The following ZCCHC9 variants were observed in gnomAD, a reference collection of about 807,000 sequenced individuals.
ZCCHC9 encodes zinc finger CCHC domain-containing protein 9.
A neutral mutation model predicts 30.8 loss-of-function variants in ZCCHC9; 18 were observed. The ratio of observed to expected loss-of-function variants is 0.58; its 90% confidence interval spans 0.40 to 0.87. The LOEUF is 0.87. Among genes scored for constraint, ZCCHC9 ranks in the 40% least tolerant of loss-of-function variants. The pLI, the probability that ZCCHC9 is intolerant of heterozygous loss-of-function variation, is 0.00. For synonymous variants in ZCCHC9, 94 were observed against 106.7 expected (o/e 0.88, Z 0.73); for missense variants, 279 against 331.2 (o/e 0.84, Z 1.22).
At chr5:81,308,406 T>G (rs1758151823) in intron 2 of ZCCHC9, 155 bp from the exon 3 acceptor site, 1 of 897,788 alleles carries the variant, frequency 1.1e-6, no homozygotes, top group Non-Finnish European at 1.6e-6. Flanking sequence ...TCTCGTTGTT[T>G]AGGAACGTAT....
Position 81,305,095 on chromosome 5 carries a change from G to C in ZCCHC9, c.338G>C (p.Arg113Pro). The change falls in exon 2 of 6, where the codon CGG becomes CCG. Residue 113 changes from arginine (R) to proline (P), a missense_variant. Transcript: ENST00000407610. ...GTTGCTTTAAAGAAAGACAGTCGACGGGAAGGAAGAAGATTAAAAAGACAA... is the reference window on the plus strand; with the variant it reads ...GTTGCTTTAAAGAAAGACAGTCGACCGGAAGGAAGAAGATTAAAAAGACAA... ...IAVALKKDSRREGRRLKRQAA... is the reference protein window; with the variant it reads ...IAVALKKDSRPEGRRLKRQAA... 2 of 1,605,844 alleles carry C rather than the reference G, an allele frequency of 1.2e-6. No individual in the cohort carries two copies. Among genetic ancestry groups the C allele is most frequent in the Non-Finnish European group, 1.7e-6 (2 of 1,178,046 alleles).
chr5:81,307,541 T>G (rs917694604), intron 2 of ZCCHC9, among the ~76,000 whole-genome samples: 2 of 151,638 alleles, frequency 1.3e-5, no homozygotes. Context: ...TAATCCCAGC[T>G]ACTTGGGAGG....
chr5:81,309,089 G>T (rs764478476), intron 4 of ZCCHC9, 51 bp downstream of exon 4: 12 of 1,368,454 alleles, frequency 8.8e-6, no homozygotes, highest in Non-Finnish European at 1.1e-5. Flanking sequence ...TCGTGCAGTT[G>T]TGATTTAATT....
chr5:81,301,656 G>A lies in ZCCHC9; in HGVS notation c.-60G>A, dbSNP rs1373492893. On this transcript the variant is annotated 5_prime_UTR_variant, in exon 1 of 6. Coordinates refer to ENST00000407610, the MANE Select transcript of ZCCHC9 (RefSeq NM_001131035.2). Reference sequence around the variant, plus strand: ...CCGGCTCGCCAACTCGGCTGCTCTGGGGGATTCGTGCGCGGTAAGAAGCTG... The same window carrying A: ...CCGGCTCGCCAACTCGGCTGCTCTGAGGGATTCGTGCGCGGTAAGAAGCTG... 2 of 152,528 alleles carry A rather than the reference G, an allele frequency of 1.3e-5. No individual in the cohort carries two copies. Among genetic ancestry groups the A allele is most frequent in the Admixed American group, 1.3e-4 (2 of 15,284 alleles). The allele number at this position is 152,528 out of a possible 1,614,324, so 9.4% of individuals were successfully genotyped here.
In ZCCHC9 at chr5:81,312,642, C is replaced by G. The variant is rs1758327607; in HGVS notation, c.796C>G (p.Pro266Ala). The G allele has an allele frequency of 6.2e-7, 1 of 1,612,666 alleles. No individual in the cohort carries two copies. The highest frequency in any genetic ancestry group is 1.3e-5 in the African/African-American group (1 of 74,824). Residue 266 changes from proline to alanine, a missense_variant, in exon 6 of 6, where the codon CCT (proline) becomes GCT (alanine). Physicochemically the swap from Pro to Ala is conservative, Grantham distance 27. Coordinates refer to ENST00000407610, the MANE Select transcript of ZCCHC9 (RefSeq NM_001131035.2). ...PKPQKPKTKI[P>A]KVVNF ...ACCGCAAAAACCCAAAACAAAAATA[C>G]CTAAAGTTGTTAATTTTTGATAACA...
At position 81,305,042 on chromosome 5, in the gene ZCCHC9, C is replaced by A; in HGVS notation, c.285C>A (p.Asp95Glu). ...MVHNGQIIAT[D>E]SEEVREEIAV... is the part of the protein sequence containing the mutation. ...ACAATGGGCAAATTATAGCAACAGA[C>A]AGTGAGGAAGTAAGGGAAGAAATTG... The change falls in exon 2 of 6, where the codon GAC (aspartate) becomes GAA (glutamate). Residue 95 changes from aspartate to glutamate, a missense_variant. Physicochemically the swap from Asp to Glu is conservative, Grantham distance 45 (BLOSUM62 2). Transcript: ENST00000407610. 6.2e-7 allele frequency: 1 copy of A among 1,613,972 alleles called. No individual in the cohort carries two copies. Among genetic ancestry groups the A allele is most frequent in the Non-Finnish European group, 8.5e-7 (1 of 1,180,008 alleles).
chr5:81,306,106 G>A (rs1758075863), intron 2 of ZCCHC9, among the ~76,000 whole-genome samples: 1 of 152,200 alleles, frequency 6.6e-6, no homozygotes, highest in African/African-American at 2.4e-5. Flanking sequence ...CAAAGGGGAT[G>A]AAATACTTGG....
chr5:81,305,007 C>A lies in ZCCHC9; in HGVS notation c.250C>A (p.Gln84Lys), dbSNP rs376973135. 2.7e-5 allele frequency: 44 copies of A among 1,613,984 alleles called. No homozygotes were observed. The highest frequency in any genetic ancestry group is 3.5e-5 in the Non-Finnish European group (41 of 1,180,034). The change falls in exon 2 of 6, where the codon CAG (glutamine) becomes AAG (lysine). Residue 84 changes from glutamine to lysine, a missense_variant. Coordinates refer to ENST00000407610, the MANE Select transcript of ZCCHC9 (RefSeq NM_001131035.2). The stretch of plus-strand genomic sequence containing the variant: ...CATGGAATACCTAAGACAGAATTCA[C>A]AGATGGTTCACAATGGGCAAATTAT... ...GFMEYLRQNS[Q>K]MVHNGQIIAT...
intron 4 of ZCCHC9, among the ~76,000 whole-genome samples, chr5:81,309,863 G>A (rs892797417): frequency 6.6e-6 from 1 of 152,114 alleles, no homozygotes; most frequent in African/African-American, 2.4e-5. Flanking sequence ...GTATCTTACC[G>A]TTGGTGGGTC....
chr5:81,308,353 T>C (rs1430110102), intron 2 of ZCCHC9: 18 of 512,738 alleles, frequency 3.5e-5, no homozygotes, highest in Middle Eastern at 5.3e-4. Context: ...GATTTATTGA[T>C]TGAGGTTTTC....
intron 1 of ZCCHC9, chr5:81,303,776 C>G (rs1758022947): frequency 6.6e-6 from 1 of 152,146 alleles, no homozygotes; most frequent in Admixed American, 6.5e-5. Context: ...TTTTTCAGCT[C>G]CATTATAATC....
chr5:81,308,810 T>C, intron 3 of ZCCHC9, 99 bp downstream of exon 3: 4 of 1,470,988 alleles, frequency 2.7e-6, no homozygotes, highest in Non-Finnish European at 3.6e-6. Flanking sequence ...GTGTGCCACT[T>C]AGTATTTGGA....
chr5:81,307,313 C>T (rs1371439936), intron 2 of ZCCHC9, among the ~76,000 whole-genome samples: 2 of 152,096 alleles, frequency 1.3e-5, no homozygotes, highest in African/African-American at 4.8e-5. Context: ...ATAAATTATT[C>T]CTTTAAAATG....
At chr5:81,309,240 A>G (rs916562424) in intron 4 of ZCCHC9, 1 of 441,766 alleles carries the variant, frequency 2.3e-6, no homozygotes, top group African/African-American at 2.0e-5. Flanking sequence ...AAATCAGAAA[A>G]AACTAAGGTG....
chr5:81,308,296 T>C (rs1166438304), intron 2 of ZCCHC9: 1 of 305,332 alleles, frequency 3.3e-6, no homozygotes, highest in East Asian at 6.3e-5. Context: ...ATTTAAGCAA[T>C]TGCCGTCTAC....
intron 1 of ZCCHC9, chr5:81,304,351 G>A (rs1021648093): frequency 6.4e-6 from 1 of 155,772 alleles, no homozygotes; most frequent in African/African-American, 2.4e-5. Context: ...TTGGGAGAAA[G>A]TAGCTGTGGG....
chr5:81,311,244 A>G lies in ZCCHC9; in HGVS notation c.662A>G (p.His221Arg). ...TGCAAACTTTGTGGCTCTGTGGAAC[A>G]TTTAAAGAAAGATTGCCCTGAAAGT... ...GGCKLCGSVE[H>R]LKKDCPESQN... The change falls in exon 5 of 6, where the codon CAT becomes CGT. Residue 221 changes from histidine (H) to arginine (R), a missense_variant. By Grantham distance (29) the His-to-Arg change is conservative. Coordinates refer to ENST00000407610, the MANE Select transcript of ZCCHC9 (RefSeq NM_001131035.2). 1 of 1,614,136 alleles carries G rather than the reference A, an allele frequency of 6.2e-7. No individual in the cohort carries two copies. Among genetic ancestry groups the G allele is most frequent in the Non-Finnish European group, 8.5e-7 (1 of 1,179,966 alleles).
intron 2 of ZCCHC9, among the ~76,000 whole-genome samples, chr5:81,307,333 T>C (rs77877432): frequency 6.6e-6 from 1 of 152,336 alleles, no homozygotes; most frequent in East Asian, 1.9e-4. Flanking sequence ...GTATTGTGCA[T>C]ATATTCTAAA....
chr5:81,312,132 G>T (rs1261872548), intron 5 of ZCCHC9, among the ~76,000 whole-genome samples: 1 of 152,212 alleles, frequency 6.6e-6, no homozygotes, highest in East Asian at 1.9e-4. Context: ...CTCCTGGGAG[G>T]ATTGCCACTT....
Sources: allele counts gnomAD v4.1 joint callset (sites outside exome capture counted in the v4.1 genomes callset), GRCh38; gene constraint gnomAD v4.1.1; transcripts MANE v1.5; gene names NCBI Gene and HGNC (gene_info 2026-07-23, HGNC 2026-07-21).